The following MORC1 variants were observed in gnomAD, a reference collection of about 807,000 sequenced individuals.
MORC1 encodes the protein MORC family CW-type zinc finger protein 1.
MORC1 carries 59 observed loss-of-function variants against 134.9 expected under a neutral mutation model. That is an observed-to-expected ratio of 0.44 (90% CI 0.35 to 0.54). MORC1 has a LOEUF of 0.54. Ranked by LOEUF, MORC1 falls within the 20% of genes least tolerant of loss-of-function variation. MORC1 has a pLI of 0.00. For missense variants in MORC1, 947 were observed against 1,134.5 expected (o/e 0.83, Z 2.37); for synonymous variants, 395 against 391.7 (o/e 1.01, Z -0.10).
chr3:109,095,669 G>A (rs921908760), intron 6 of MORC1, among the ~76,000 whole-genome samples: 2 of 152,112 alleles, frequency 1.3e-5, no homozygotes, highest in Non-Finnish European at 2.9e-5. Context: ...TAGATAGACC[G>A]AGTGAAAGTA....
chr3:109,056,593 C>T (rs1183389694), intron 13 of MORC1, among the ~76,000 whole-genome samples: 1 of 152,198 alleles, frequency 6.6e-6, no homozygotes, highest in Non-Finnish European at 1.5e-5. Flanking sequence ...CATTTATATG[C>T]TTGTCCTTTT....
intron 21 of MORC1, among the ~76,000 whole-genome samples, chr3:108,988,448 T>C (rs1248179106): frequency 6.6e-6 from 1 of 152,210 alleles, no homozygotes; most frequent in Non-Finnish European, 1.5e-5. Context: ...GACCTTAAAG[T>C]GTATGTTTTA....
At chr3:109,003,911 G>C (rs1214238931) in intron 20 of MORC1, among the ~76,000 whole-genome samples, 3 of 152,140 alleles carry the variant, frequency 2.0e-5, no homozygotes, top group Non-Finnish European at 4.4e-5. Context: ...AAGATTTTCA[G>C]AGAGTCTGTA....
At chr3:108,977,807 G>A (rs748893914) in intron 24 of MORC1, among the ~76,000 whole-genome samples, 1 of 152,136 alleles carries the variant, frequency 6.6e-6, no homozygotes, top group Non-Finnish European at 1.5e-5. Context: ...AAACTAGTTA[G>A]AGAATCCCAT....
intron 24 of MORC1, among the ~76,000 whole-genome samples, chr3:108,977,964 G>A (rs530419256): frequency 2.9e-4 from 44 of 152,152 alleles, no homozygotes; most frequent in African/African-American, 9.9e-4. Context: ...TGCAAGCTCC[G>A]CCTCCCGGGT....
intron 8 of MORC1, among the ~76,000 whole-genome samples, chr3:109,085,997 G>A (rs549763289): frequency 6.6e-5 from 10 of 152,178 alleles, no homozygotes; most frequent in African/African-American, 2.4e-4. Context: ...AGCACAGAAT[G>A]ACTAATATAA....
At chr3:108,966,863 G>A (rs1265015035) in intron 26 of MORC1, among the ~76,000 whole-genome samples, 1 of 152,122 alleles carries the variant, frequency 6.6e-6, no homozygotes, top group Non-Finnish European at 1.5e-5. Flanking sequence ...ATTTTAGATG[G>A]AACAGAGGCC....
At chr3:109,040,183 T>C (rs2218645) in intron 14 of MORC1, among the ~76,000 whole-genome samples, 1,700 of 151,454 alleles carry the variant, frequency 0.011, 23 homozygotes, top group African/African-American at 0.039. Flanking sequence ...TAGATTCAAA[T>C]GTCCAGTTTT....
chr3:109,040,829 CAAAAAAAAA>C (rs59122147), intron 14 of MORC1, among the ~76,000 whole-genome samples: 11 of 108,590 alleles, frequency 1.0e-4, no homozygotes, highest in East Asian at 4.9e-4. Flanking sequence ...AACTCTGTGT[CAAAAAAAAA>C]AAAAAAAAAA....
At chr3:109,038,743 G>T (rs1949439680) in intron 14 of MORC1, among the ~76,000 whole-genome samples, 1 of 152,164 alleles carries the variant, frequency 6.6e-6, no homozygotes, top group East Asian at 1.9e-4. Flanking sequence ...AGACCAGATG[G>T]TTGCAGATGT....
At chr3:109,063,073 TA>T in intron 10 of MORC1, 78 bp downstream of exon 10, 1 of 1,069,918 alleles carries the variant, frequency 9.3e-7, no homozygotes. Flanking sequence ...TAGAGCAATG[TA>T]TGTCTCAAAA....
Position 109,007,057 on chromosome 3 carries a change from G to A in MORC1, c.1739C>T (p.Thr580Ile). ...QFIPVDEITV[T>I]STCLTSAHKE... ...ATGTGCTGAAGTTAGGCAGGTGGAAGTGACAGTGATTTCGTCCACTGGTAT... is the reference window on the plus strand; with the variant it reads ...ATGTGCTGAAGTTAGGCAGGTGGAAATGACAGTGATTTCGTCCACTGGTAT... The change falls in exon 18 of 28, where the codon ACT (threonine) becomes ATT (isoleucine). Residue 580 changes from threonine (T) to isoleucine (I), a missense_variant. Coordinates refer to ENST00000232603, the MANE Select transcript of MORC1 (RefSeq NM_014429.4). The A allele has an allele frequency of 6.2e-7, 1 of 1,612,720 alleles. No homozygotes were observed. Among genetic ancestry groups the A allele is most frequent in the Non-Finnish European group, 8.5e-7 (1 of 1,179,372 alleles).
At chr3:109,075,166 G>A (rs890694591) in intron 8 of MORC1, among the ~76,000 whole-genome samples, 5 of 152,140 alleles carry the variant, frequency 3.3e-5, no homozygotes, top group African/African-American at 9.7e-5. Context: ...TACACCTAAT[G>A]TCTCTGCTGA....
At chr3:108,964,007 C>A (rs1210410447) in intron 26 of MORC1, among the ~76,000 whole-genome samples, 2 of 152,212 alleles carry the variant, frequency 1.3e-5, no homozygotes, top group Non-Finnish European at 2.9e-5. Flanking sequence ...CAGGCAATGA[C>A]AGAATGGCCC....
intron 14 of MORC1, among the ~76,000 whole-genome samples, chr3:109,036,295 A>C (rs1949379099): frequency 6.6e-6 from 1 of 151,822 alleles, no homozygotes; most frequent in Non-Finnish European, 1.5e-5. Context: ...TATATATCAA[A>C]GAGTATCCCT....
intron 17 of MORC1, among the ~76,000 whole-genome samples, chr3:109,026,206 A>G (rs1367400745): frequency 6.6e-6 from 1 of 152,216 alleles, no homozygotes; most frequent in Non-Finnish European, 1.5e-5. Context: ...AAGATTTTGT[A>G]AAATCTTCCT....
chr3:109,059,873 G>A lies in MORC1; in HGVS notation c.967-3C>T. The A allele has an allele frequency of 6.2e-7, 1 of 1,609,768 alleles. No individual in the cohort carries two copies. The highest frequency in any genetic ancestry group is 8.5e-7 in the Non-Finnish European group (1 of 1,177,958). ...TCCAAAGCTCTCTGTAATACATCCTGGAGAAATGCATTGGTTGGGAGAGAA... is the reference window on the plus strand; with the variant it reads ...TCCAAAGCTCTCTGTAATACATCCTAGAGAAATGCATTGGTTGGGAGAGAA... On this transcript the variant is annotated splice_polypyrimidine_tract_variant and splice_region_variant and intron_variant, in intron 11 of 27. Transcript: ENST00000232603.
chr3:109,043,047 A>C (rs1306708987), intron 14 of MORC1, among the ~76,000 whole-genome samples: 1 of 152,038 alleles, frequency 6.6e-6, no homozygotes, highest in Non-Finnish European at 1.5e-5. Context: ...TGTACTTGAA[A>C]ATTGCTTTTA....
intron 2 of MORC1, 128 bp from the exon 3 acceptor site, chr3:109,110,911 G>T: frequency 3.2e-6 from 2 of 619,638 alleles, no homozygotes; most frequent in Admixed American, 3.8e-5. Flanking sequence ...TTTCTAAAAC[G>T]TTTCACCGTG....
Sources: gnomAD v4.1 joint callset for allele counts (sites outside exome capture counted in the v4.1 genomes callset) on GRCh38, gnomAD v4.1.1 for gene constraint, MANE v1.5 for transcripts, NCBI Gene and HGNC (gene_info 2026-07-23, HGNC 2026-07-21) for gene names.